Variants in CAMK4 observed in about 807,000 individuals in gnomAD.
CAMK4 encodes the protein calcium/calmodulin-dependent protein kinase type IV.
In CAMK4, 22 loss-of-function variants were observed where a neutral mutation model predicts 44.9. The ratio of observed to expected loss-of-function variants is 0.49; its 90% CI spans 0.35 to 0.70. The LOEUF (loss-of-function observed/expected upper bound fraction) is 0.70, where lower values mean the gene tolerates loss of function less well. CAMK4 is among the 30% of genes least tolerant of loss of function. The probability of loss-of-function intolerance (pLI) is 0.01; values close to 1 mark genes in which losing one functional copy is unlikely to be tolerated. For synonymous variants in CAMK4, 218 were observed against 215.4 expected (o/e 1.01, Z -0.11); for missense variants, 498 against 586.8 (o/e 0.85, Z 1.56).
intron 1 of CAMK4, among the ~76,000 whole-genome samples, chr5:111,248,815 T>A (rs947158596): frequency 3.3e-5 from 5 of 152,166 alleles, no homozygotes; most frequent in Non-Finnish European, 7.4e-5. Context: ...CCAGAGACTA[T>A]GACCAGTAAT....
intron 1 of CAMK4, among the ~76,000 whole-genome samples, chr5:111,253,590 A>G (rs533182552): frequency 7.2e-5 from 11 of 152,360 alleles, no homozygotes; most frequent in Admixed American, 2.0e-4. Flanking sequence ...AAAATGAAAG[A>G]CAATTTTTTG....
At chr5:111,378,332 A>G (rs1040561865) in intron 4 of CAMK4, among the ~76,000 whole-genome samples, 13 of 152,168 alleles carry the variant, frequency 8.5e-5, no homozygotes, top group African/African-American at 1.7e-4. Flanking sequence ...CACACAGGTT[A>G]TGCTATTTTT....
At chr5:111,400,042 A>C (rs570347571) in intron 5 of CAMK4, among the ~76,000 whole-genome samples, 8 of 152,330 alleles carry the variant, frequency 5.3e-5, no homozygotes, top group African/African-American at 1.9e-4. Flanking sequence ...ACAGAAGGAT[A>C]AGAGTTCCTA....
intron 2 of CAMK4, among the ~76,000 whole-genome samples, chr5:111,365,390 T>C (rs1055074646): frequency 3.0e-4 from 46 of 151,972 alleles, no homozygotes; most frequent in African/African-American, 1.1e-3. Flanking sequence ...ATCGAGGAAG[T>C]GGTAAAAGAA....
chr5:111,301,133 C>A (rs1747701386), intron 1 of CAMK4, among the ~76,000 whole-genome samples: 1 of 151,988 alleles, frequency 6.6e-6, no homozygotes, highest in Admixed American at 6.6e-5. Context: ...TATGACCCCC[C>A]TCCTTAACGT....
intron 4 of CAMK4, among the ~76,000 whole-genome samples, chr5:111,386,171 A>G (rs554713940): frequency 6.6e-6 from 1 of 152,344 alleles, no homozygotes; most frequent in Non-Finnish European, 1.5e-5. Context: ...TGTCATCAAT[A>G]AAATGAGAAG....
At chr5:111,382,330 T>C (rs1751448212) in intron 4 of CAMK4, among the ~76,000 whole-genome samples, 1 of 152,224 alleles carries the variant, frequency 6.6e-6, no homozygotes, top group African/African-American at 2.4e-5. Flanking sequence ...AGGGCATTGC[T>C]ATTAGAAAAA....
intron 4 of CAMK4, among the ~76,000 whole-genome samples, chr5:111,385,944 G>T (rs1561454877): frequency 6.6e-6 from 1 of 151,988 alleles, no homozygotes; most frequent in Non-Finnish European, 1.5e-5. Context: ...GAATCTTTTA[G>T]GCCCATTCCC....
At chr5:111,480,397 C>A (rs1755395849) in intron 9 of CAMK4, among the ~76,000 whole-genome samples, 1 of 151,916 alleles carries the variant, frequency 6.6e-6, no homozygotes. Context: ...TTCCTTCTGC[C>A]AAAATCTTCC....
At chr5:111,228,234 G>A (rs1748291316) in intron 1 of CAMK4, among the ~76,000 whole-genome samples, 1 of 152,148 alleles carries the variant, frequency 6.6e-6, no homozygotes, top group African/African-American at 2.4e-5. Flanking sequence ...AACAAGAGAA[G>A]AATGTGTTAA....
intron 1 of CAMK4, among the ~76,000 whole-genome samples, chr5:111,341,373 A>C (rs906060901): frequency 2.6e-5 from 4 of 151,088 alleles, no homozygotes; most frequent in African/African-American, 7.3e-5. Context: ...TAATTTTTTA[A>C]TATAAGGTGT....
At chr5:111,235,267 G>A (rs1391766283) in intron 1 of CAMK4, among the ~76,000 whole-genome samples, 1 of 152,006 alleles carries the variant, frequency 6.6e-6, no homozygotes, top group Non-Finnish European at 1.5e-5. Flanking sequence ...TTTCATATTT[G>A]CTGCTTATTC....
chr5:111,325,200 T>G (rs1246973570), intron 1 of CAMK4, among the ~76,000 whole-genome samples: 1 of 152,090 alleles, frequency 6.6e-6, no homozygotes, highest in Admixed American at 6.6e-5. Flanking sequence ...TATGACTATA[T>G]TGTATTCTGT....
intron 1 of CAMK4, among the ~76,000 whole-genome samples, chr5:111,340,693 T>C (rs1201768302): frequency 6.6e-6 from 1 of 151,272 alleles, no homozygotes; most frequent in Non-Finnish European, 1.5e-5. Context: ...CTGGCTTTGA[T>C]ATCAGGGTAA....
rs1488270342 is a variant in CAMK4 at position 111,489,684 on chromosome 5, A to C, written c.*5218A>C. Reference sequence around the variant, plus strand: ...TGTTGCTCTAGAGAAGACTCCAGGCATCTACCTGGTTGAGCTCAAATGAGG... The same window carrying C: ...TGTTGCTCTAGAGAAGACTCCAGGCCTCTACCTGGTTGAGCTCAAATGAGG... On this transcript the variant is annotated 3_prime_UTR_variant, in exon 11 of 11. Coordinates refer to ENST00000282356, the MANE Select transcript of CAMK4 (RefSeq NM_001744.6). The C allele has an allele frequency of 6.6e-6, 1 of 152,264 alleles. No homozygotes were observed. Among genetic ancestry groups the C allele is most frequent in the Non-Finnish European group, 1.5e-5 (1 of 68,066 alleles). 9.4% of individuals were successfully genotyped at this position (152,264 alleles called of 1,614,324 possible).
chr5:111,250,362 G>A (rs1174424940), intron 1 of CAMK4, among the ~76,000 whole-genome samples: 2 of 152,120 alleles, frequency 1.3e-5, no homozygotes, highest in African/African-American at 4.8e-5. Flanking sequence ...TTTAAAGAAG[G>A]AAGATATTCT....
At chr5:111,377,891 C>T (rs566783114) in intron 4 of CAMK4, among the ~76,000 whole-genome samples, 75 of 152,086 alleles carry the variant, frequency 4.9e-4, no homozygotes, top group Non-Finnish European at 9.7e-4. Context: ...AGCAAATGCT[C>T]CATAAATATT....
intron 9 of CAMK4, among the ~76,000 whole-genome samples, chr5:111,479,904 C>G (rs115198973): frequency 0.02 from 3,058 of 152,226 alleles, 108 homozygotes; most frequent in African/African-American, 0.069. Flanking sequence ...AACCTCCTAT[C>G]TGACCTCCCT....
At chr5:111,243,122 T>C (rs1381121781) in intron 1 of CAMK4, among the ~76,000 whole-genome samples, 1 of 152,160 alleles carries the variant, frequency 6.6e-6, no homozygotes, top group African/African-American at 2.4e-5. Flanking sequence ...CAGATTTCAC[T>C]CAGGACCATT....
Sources: gnomAD v4.1 joint callset for allele counts (sites outside exome capture counted in the v4.1 genomes callset) on GRCh38, gnomAD v4.1.1 for gene constraint, MANE v1.5 for transcripts, NCBI Gene and HGNC (gene_info 2026-07-23, HGNC 2026-07-21) for gene names.